The following DGKB variants were observed in gnomAD, a reference collection of about 807,000 sequenced individuals.
DGKB encodes 90 kDa diacylglycerol kinase.
Under a neutral mutation model 114.3 loss-of-function variants are expected in DGKB, and 67 were observed. The ratio of observed to expected loss-of-function variants is 0.59; its 90% CI spans 0.48 to 0.72. The LOEUF is 0.72. Among genes scored for constraint, DGKB ranks in the 30% least tolerant of loss-of-function variants. The pLI, the probability that DGKB is intolerant of heterozygous loss-of-function variation, is 0.00. For synonymous variants in DGKB, 398 were observed against 323.1 expected, an observed-to-expected ratio of 1.23 and a Z score of -2.49; for missense variants, 907 against 975.2, an observed-to-expected ratio of 0.93 and a Z score of 0.93.
At chr7:14,228,918 T>C (rs1003288382) in intron 23 of DGKB, among the ~76,000 whole-genome samples, 1 of 96,136 alleles carries the variant, frequency 1.0e-5, no homozygotes, top group Non-Finnish European at 1.9e-5. Context: ...TCAAAAATAA[T>C]TTGCTGTGAA....
intron 21 of DGKB, among the ~76,000 whole-genome samples, chr7:14,406,761 A>T (rs1292982102): frequency 6.6e-6 from 1 of 152,140 alleles, no homozygotes; most frequent in Admixed American, 6.6e-5. Flanking sequence ...TATTTGTACA[A>T]TATGAGATAT....
chr7:14,518,300 G>A (rs1295411949), intron 20 of DGKB, among the ~76,000 whole-genome samples: 3 of 151,992 alleles, frequency 2.0e-5, no homozygotes, highest in African/African-American at 7.2e-5. Flanking sequence ...ACAGACACTG[G>A]GAACTCTTTG....
intron 9 of DGKB, among the ~76,000 whole-genome samples, chr7:14,686,027 C>A (rs1050556263): frequency 6.6e-6 from 1 of 151,942 alleles, no homozygotes; most frequent in Non-Finnish European, 1.5e-5. Context: ...ATTTTGTTTA[C>A]CCCCTTATAA....
chr7:14,259,407 CTATA>C (rs71975347), intron 23 of DGKB, among the ~76,000 whole-genome samples: 2,639 of 108,100 alleles, frequency 0.024, 63 homozygotes, highest in African/African-American at 0.058. Context: ...CTCTCTCTCT[CTATA>C]TATATATATA....
chr7:14,413,141 T>C (rs917017502), intron 21 of DGKB, among the ~76,000 whole-genome samples: 2 of 151,862 alleles, frequency 1.3e-5, no homozygotes, highest in Non-Finnish European at 2.9e-5. Flanking sequence ...TAGCAATGGA[T>C]TGGATATGGA....
chr7:14,345,785 ATAAC>A (rs1583313450), intron 21 of DGKB, among the ~76,000 whole-genome samples: 2 of 151,712 alleles, frequency 1.3e-5, no homozygotes, highest in South Asian at 2.1e-4. Flanking sequence ...ATAGAATAAA[ATAAC>A]TAAGAAAGTA....
intron 13 of DGKB, among the ~76,000 whole-genome samples, chr7:14,667,602 T>C (rs1472784499): frequency 2.6e-5 from 4 of 152,040 alleles, no homozygotes; most frequent in South Asian, 4.1e-4. Flanking sequence ...AACAACATGA[T>C]ATATGTGAGG....
chr7:14,805,946 G>C (rs1488777993), intron 2 of DGKB, among the ~76,000 whole-genome samples: 1 of 150,766 alleles, frequency 6.6e-6, no homozygotes, highest in Non-Finnish European at 1.5e-5. Context: ...AATGGTTTCA[G>C]ATTATTCTAA....
At chr7:14,634,639 G>A (rs1386472794) in intron 13 of DGKB, among the ~76,000 whole-genome samples, 1 of 151,222 alleles carries the variant, frequency 6.6e-6, no homozygotes, top group Non-Finnish European at 1.5e-5. Flanking sequence ...AAAGTAGTAA[G>A]AGACAGAGAA....
chr7:14,691,101 C>A (rs1401287979), intron 9 of DGKB, among the ~76,000 whole-genome samples: 2 of 152,176 alleles, frequency 1.3e-5, no homozygotes, highest in African/African-American at 2.4e-5. Flanking sequence ...AATAGATATT[C>A]TTTAAAATAG....
intron 23 of DGKB, among the ~76,000 whole-genome samples, chr7:14,252,764 C>T (rs1165963851): frequency 1.3e-5 from 2 of 152,140 alleles, no homozygotes; most frequent in African/African-American, 4.8e-5. Context: ...AAGTCTGGGG[C>T]CAGAGTCCAC....
chr7:14,435,906 T>A (rs1218172389), intron 21 of DGKB, among the ~76,000 whole-genome samples: 1 of 152,162 alleles, frequency 6.6e-6, no homozygotes, highest in Non-Finnish European at 1.5e-5. Flanking sequence ...ATTATTGTAA[T>A]ATTCTTTCCT....
chr7:14,329,085 T>C (rs569675993), intron 23 of DGKB, among the ~76,000 whole-genome samples: 2 of 152,028 alleles, frequency 1.3e-5, no homozygotes, highest in Admixed American at 6.6e-5. Context: ...ACATGATAAT[T>C]AGCTCTATAT....
chr7:14,762,270 C>T (rs977286317), intron 2 of DGKB, among the ~76,000 whole-genome samples: 19 of 152,020 alleles, frequency 1.2e-4, no homozygotes, highest in Admixed American at 1.2e-3. Flanking sequence ...AGTTGACTTT[C>T]TCCTATACTT....
At chr7:14,531,982 T>C (rs1183322543) in intron 20 of DGKB, among the ~76,000 whole-genome samples, 2 of 150,466 alleles carry the variant, frequency 1.3e-5, no homozygotes, top group African/African-American at 4.9e-5. Flanking sequence ...AAAAAAAAAA[T>C]GAAGTTAGGC....
intron 20 of DGKB, among the ~76,000 whole-genome samples, chr7:14,495,560 T>C (rs1785186162): frequency 6.6e-6 from 1 of 151,848 alleles, no homozygotes; most frequent in African/African-American, 2.4e-5. Context: ...TTCAAACAAA[T>C]GTTATGACAT....
chr7:14,833,635 T>C (rs925021183), intron 2 of DGKB, among the ~76,000 whole-genome samples: 31 of 152,258 alleles, frequency 2.0e-4, no homozygotes, highest in African/African-American at 6.0e-4. Flanking sequence ...TTGTGACTAT[T>C]GCTAAATTCT....
At chr7:14,277,263 C>G (rs1799163240) in intron 23 of DGKB, among the ~76,000 whole-genome samples, 1 of 152,054 alleles carries the variant, frequency 6.6e-6, no homozygotes, top group African/African-American at 2.4e-5. Context: ...CTCCACCTCC[C>G]AGGTTCAAGC....
At chr7:14,566,909 C>G (rs946598438) in intron 20 of DGKB, among the ~76,000 whole-genome samples, 7 of 151,336 alleles carry the variant, frequency 4.6e-5, no homozygotes, top group Non-Finnish European at 7.4e-5. Flanking sequence ...TTTCCTGACT[C>G]TCAGATCTAC....
Sources: allele counts gnomAD v4.1 joint callset (sites outside exome capture counted in the v4.1 genomes callset), GRCh38; gene constraint gnomAD v4.1.1; transcripts MANE v1.5; gene names NCBI Gene and HGNC (gene_info 2026-07-23, HGNC 2026-07-21).